Variants in LRRC42 observed in about 807,000 individuals in gnomAD.
LRRC42 encodes leucine rich repeat containing 42, also known as leucine-rich repeat-containing protein 42.
A neutral mutation model predicts 44.3 loss-of-function variants in LRRC42; 43 were observed. The observed-to-expected ratio is 0.97, with a 90% CI of 0.76 to 1.25. The LOEUF (loss-of-function observed/expected upper bound fraction) is 1.25, where lower values mean the gene tolerates loss of function less well. LRRC42 is among the 50% of genes most tolerant of loss of function. The pLI is 0.00. For missense variants in LRRC42, 540 were observed against 509.1 expected (o/e 1.06, Z -0.58); for synonymous variants, 207 against 195.2 (o/e 1.06, Z -0.50).
chr1:53,966,414 C>T, intron 8 of LRRC42, 34 bp downstream of exon 8: 1 of 1,469,680 alleles, frequency 6.8e-7, no homozygotes. Flanking sequence ...AGTTTTTTGC[C>T]CTTTATTTGC....
chr1:53,962,025 G>T lies in LRRC42; in HGVS notation c.725-9G>T. The T allele has an allele frequency of 6.3e-7, 1 of 1,595,752 alleles. No homozygotes were observed. Among genetic ancestry groups the T allele is most frequent in the South Asian group, 1.1e-5 (1 of 88,412 alleles). On this transcript the variant is annotated splice_polypyrimidine_tract_variant and intron_variant, in intron 5 of 8. Transcript: ENST00000371370. ...TGTGACAGAATGCTACGTTGTTTTTGACATCTAGGTAACCCTGAGATCACA... is the reference window on the plus strand; with the variant it reads ...TGTGACAGAATGCTACGTTGTTTTTTACATCTAGGTAACCCTGAGATCACA...
At chr1:53,960,274 G>T in intron 4 of LRRC42, 82 bp from the exon 5 acceptor site, 1 of 919,910 alleles carries the variant, frequency 1.1e-6, no homozygotes. Flanking sequence ...ATTTTTAAAT[G>T]AAAATGTTGA....
In LRRC42 at chr1:53,958,180, A is replaced by G. The variant is rs369773722; in HGVS notation, c.505A>G (p.Ile169Val). 6.2e-7 allele frequency: 1 copy of G among 1,613,800 alleles called. No individual in the cohort carries two copies. Among genetic ancestry groups the G allele is most frequent in the African/African-American group, 1.3e-5 (1 of 74,916 alleles). ...CGTGATTTCAGAAAAGCTTGAGGAG[A>G]TTAAGTCTTTCCGGGAGCTGACCTG... is the stretch of plus-strand genomic sequence containing the variant. ...YLVISEKLEE[I>V]KSFRELTCLD... is the part of the protein sequence containing the mutation. Residue 169 changes from isoleucine to valine, a missense_variant, in exon 4 of 9, where the codon ATT (isoleucine) becomes GTT (valine). Ile to Val is a conservative substitution (Grantham distance 29). Coordinates refer to ENST00000371370, the MANE Select transcript of LRRC42 (RefSeq NM_001256409.2).
At chr1:53,963,942 T>C (rs1569846811) in intron 7 of LRRC42, among the ~76,000 whole-genome samples, 2 of 38,162 alleles carry the variant, frequency 5.2e-5, no homozygotes, top group African/African-American at 8.5e-5. Flanking sequence ...TTTCCCCTCC[T>C]GCCCACCCCC....
In LRRC42 at chr1:53,952,268, T is replaced by C. The variant is rs780810935; in HGVS notation, c.269T>C (p.Phe90Ser). Reference protein sequence around the residue: ...GNLRYSAKSLFSLVLGFISDN... With the variant: ...GNLRYSAKSLSSLVLGFISDN... Reference sequence around the variant, plus strand: ...CTTCGGTACTCCGCCAAATCCCTCTTCAGCCTTGTCCTGGGTTTCATCTCC... The same window carrying C: ...CTTCGGTACTCCGCCAAATCCCTCTCCAGCCTTGTCCTGGGTTTCATCTCC... The change falls in exon 3 of 9, where the codon TTC (phenylalanine) becomes TCC (serine). Residue 90 changes from phenylalanine (F) to serine (S), a missense_variant. Physicochemically the swap from Phe to Ser is radical, Grantham distance 155. Transcript: ENST00000371370. The C allele has an allele frequency of 6.2e-7, 1 of 1,614,262 alleles. No homozygotes were observed. Among genetic ancestry groups the C allele is most frequent in the Non-Finnish European group, 8.5e-7 (1 of 1,180,046 alleles).
chr1:53,968,080 G>C lies in LRRC42; in HGVS notation c.*141G>C, dbSNP rs1162091242. 2 of 812,052 alleles carry C rather than the reference G, an allele frequency of 2.5e-6. No homozygotes were observed. The highest frequency in any genetic ancestry group is 3.9e-6 in the Non-Finnish European group (2 of 512,778). 50.3% of individuals were successfully genotyped at this position (812,052 alleles called of 1,614,324 possible). On this transcript the variant is annotated 3_prime_UTR_variant, in exon 9 of 9. Transcript: ENST00000371370. ...ATATTTCTACTTTTGTGGTGTGGGAGGGGAATGCTATGGAAGTATGTAATA... is the reference window on the plus strand; with the variant it reads ...ATATTTCTACTTTTGTGGTGTGGGACGGGAATGCTATGGAAGTATGTAATA...
At chr1:53,963,526 C>G (rs1157520844) in intron 7 of LRRC42, among the ~76,000 whole-genome samples, 3 of 152,188 alleles carry the variant, frequency 2.0e-5, no homozygotes, top group Non-Finnish European at 2.9e-5. Context: ...CCATAAAATG[C>G]AGAAACCAGG....
chr1:53,948,199 T>G (rs1654578931), intron 2 of LRRC42, among the ~76,000 whole-genome samples: 1 of 152,244 alleles, frequency 6.6e-6, no homozygotes, highest in Non-Finnish European at 1.5e-5. Context: ...TCTTACTTTA[T>G]CTACTGAAGT....
chr1:53,957,810 G>C (rs1569835685), intron 3 of LRRC42, among the ~76,000 whole-genome samples: 1 of 152,302 alleles, frequency 6.6e-6, no homozygotes, highest in South Asian at 2.1e-4. Context: ...GTATCCTAAA[G>C]TTTGGAAATT....
chr1:53,946,692 T>A (rs989710067), intron 1 of LRRC42, 143 bp downstream of exon 1: 1 of 147,878 alleles, frequency 6.8e-6, no homozygotes, highest in Non-Finnish European at 1.5e-5. Context: ...GGATGAGGTA[T>A]ACTGGTGGGG....
At chr1:53,951,943 G>A (rs954104331) in intron 2 of LRRC42, 43 bp from the exon 3 acceptor site, 30 of 1,423,818 alleles carry the variant, frequency 2.1e-5, no homozygotes, top group South Asian at 1.3e-5. Flanking sequence ...TGTTACAAAT[G>A]GCATTTTAAT....
intron 8 of LRRC42, among the ~76,000 whole-genome samples, chr1:53,967,303 A>G (rs1466820862): frequency 6.6e-6 from 1 of 152,162 alleles, no homozygotes. Flanking sequence ...AGTGTGTGTC[A>G]AGCATTGTGC....
Position 53,952,392 on chromosome 1 carries a change from A to G in LRRC42, c.393A>G (p.Pro131=), listed in dbSNP as rs1654716888. 1 of 1,614,028 alleles carries G rather than the reference A, an allele frequency of 6.2e-7. No individual in the cohort carries two copies. Among genetic ancestry groups the G allele is most frequent in the Non-Finnish European group, 8.5e-7 (1 of 1,179,850 alleles). ...AAEARQKFTE[P]GAGLRALQKF... Reference sequence around the variant, plus strand: ...AAGCCAGACAGAAATTCACTGAGCCAGGTGCAGGGCTGAGGGCTTTACAGA... The same window carrying G: ...AAGCCAGACAGAAATTCACTGAGCCGGGTGCAGGGCTGAGGGCTTTACAGA... Residue 131 remains proline, a synonymous_variant, in exon 3 of 9, where the codon CCA becomes CCG. Coordinates refer to ENST00000371370, the MANE Select transcript of LRRC42 (RefSeq NM_001256409.2).
At chr1:53,956,051 G>T (rs1445493799) in intron 3 of LRRC42, among the ~76,000 whole-genome samples, 4 of 152,212 alleles carry the variant, frequency 2.6e-5, no homozygotes, top group African/African-American at 7.2e-5. Flanking sequence ...AAGGCAAATA[G>T]AGGGCAGGAA....
At chr1:53,955,513 G>C (rs1257629347) in intron 3 of LRRC42, among the ~76,000 whole-genome samples, 2 of 151,800 alleles carry the variant, frequency 1.3e-5, no homozygotes, top group Non-Finnish European at 2.9e-5. Flanking sequence ...GACCAGGCTG[G>C]TTTCGAACTG....
At chr1:53,963,788 A>G (rs749477906) in intron 7 of LRRC42, among the ~76,000 whole-genome samples, 1 of 152,002 alleles carries the variant, frequency 6.6e-6, no homozygotes, top group Non-Finnish European at 1.5e-5. Context: ...GAATTTCTCC[A>G]TTTCTTCAAC....
intron 4 of LRRC42, 54 bp downstream of exon 4, chr1:53,958,334 T>C: frequency 6.3e-7 from 1 of 1,597,942 alleles, no homozygotes; most frequent in Non-Finnish European, 8.6e-7. Context: ...TTTTAAAGGC[T>C]GATCCAACAG....
chr1:53,963,746 A>G (rs1655054434), intron 7 of LRRC42, among the ~76,000 whole-genome samples: 1 of 152,020 alleles, frequency 6.6e-6, no homozygotes, highest in South Asian at 2.1e-4. Context: ...CTCATCTCAC[A>G]AGGGTCCACT....
At position 53,952,225 on chromosome 1, in the gene LRRC42, T is replaced by G; in HGVS notation, c.226T>G (p.Tyr76Asp). The change falls in exon 3 of 9, where the codon TAC (tyrosine) becomes GAC (aspartate). Residue 76 changes from tyrosine (Y) to aspartate (D), a missense_variant. Coordinates refer to ENST00000371370, the MANE Select transcript of LRRC42 (RefSeq NM_001256409.2). ...KEKTDHFIFT[Y>D]TREGNLRYSA... The stretch of plus-strand genomic sequence containing the variant: ...GAAGACTGATCATTTCATCTTCACA[T>G]ACACCCGAGAGGGGAATCTTCGGTA... 6.2e-7 allele frequency: 1 copy of G among 1,614,260 alleles called. No individual in the cohort carries two copies. The highest frequency in any genetic ancestry group is 8.5e-7 in the Non-Finnish European group (1 of 1,180,040).
Sources: gnomAD v4.1 joint callset for allele counts (sites outside exome capture counted in the v4.1 genomes callset) on GRCh38, gnomAD v4.1.1 for gene constraint, MANE v1.5 for transcripts, NCBI Gene and HGNC (gene_info 2026-07-23, HGNC 2026-07-21) for gene names.